CD247: variants seen among roughly 807,000 people sequenced by gnomAD.
CD247 encodes CD247 molecule, also known as T-cell surface glycoprotein CD3 zeta chain.
A neutral mutation model predicts 30.0 loss-of-function variants in CD247; 13 were observed. That is an observed-to-expected ratio of 0.43 (90% CI 0.28 to 0.69). The LOEUF is 0.69. CD247 is among the 30% of genes least tolerant of loss of function. The pLI, the probability that CD247 is intolerant of heterozygous loss-of-function variation, is 0.16. For missense variants in CD247, 193 were observed against 212.6 expected (o/e 0.91, Z 0.57); for synonymous variants, 72 against 80.0 (o/e 0.90, Z 0.53).
At chr1:167,501,053 C>CTTTTTT (rs569489236) in intron 1 of CD247, among the ~76,000 whole-genome samples, 1 of 124,362 alleles carries the variant, frequency 8.0e-6, no homozygotes, top group Non-Finnish European at 1.7e-5. Flanking sequence ...TCCTATTGTT[C>CTTTTTT]TTTTTTTTTT....
intron 1 of CD247, among the ~76,000 whole-genome samples, chr1:167,469,038 A>G (rs991060974): frequency 1.3e-5 from 2 of 151,692 alleles, no homozygotes; most frequent in African/African-American, 4.8e-5. Context: ...CCTGGAGTGC[A>G]GTGGCACAAT....
intron 5 of CD247, chr1:167,434,942 G>C: frequency 5.5e-6 from 2 of 366,764 alleles, no homozygotes; most frequent in Non-Finnish European, 5.2e-6. Context: ...CCTTCCTCCG[G>C]AGCCCTCCTC....
intron 1 of CD247, among the ~76,000 whole-genome samples, chr1:167,455,533 T>C (rs937175154): frequency 1.2e-3 from 183 of 152,224 alleles, no homozygotes; most frequent in Middle Eastern, 0.01. Context: ...GCGGCTCCCG[T>C]GCGGTTACGG....
intron 1 of CD247, among the ~76,000 whole-genome samples, chr1:167,458,843 T>G (rs575444461): frequency 2.0e-5 from 3 of 151,774 alleles, no homozygotes; most frequent in African/African-American, 7.2e-5. Context: ...ATGGAGAAAT[T>G]GGGAGCAATG....
chr1:167,502,531 T>A (rs1249724557), intron 1 of CD247, among the ~76,000 whole-genome samples: 1 of 152,182 alleles, frequency 6.6e-6, no homozygotes, highest in African/African-American at 2.4e-5. Context: ...TTAGATAGTT[T>A]ATTTTGAGAG....
intron 5 of CD247, chr1:167,434,627 T>G: frequency 2.6e-6 from 1 of 379,266 alleles, no homozygotes; most frequent in South Asian, 2.0e-5. Flanking sequence ...TCAGAAGACT[T>G]CAGCACCCAG....
intron 3 of CD247, among the ~76,000 whole-genome samples, 146 bp downstream of exon 3, chr1:167,439,181 TGTTTTGTGGGTTAGAAA>T (rs1241823914): frequency 6.6e-6 from 1 of 152,176 alleles, no homozygotes; most frequent in Non-Finnish European, 1.5e-5. Context: ...TTACTACACC[TGTTTTGTGGGTTAGAAA>T]ACTGAGGTTA....
chr1:167,462,313 T>C (rs1473964650), intron 1 of CD247, among the ~76,000 whole-genome samples: 2 of 152,238 alleles, frequency 1.3e-5, no homozygotes, highest in Admixed American at 1.3e-4. Flanking sequence ...ACTGGGGCCC[T>C]GTGACCATAG....
intron 1 of CD247, among the ~76,000 whole-genome samples, chr1:167,458,052 T>A (rs1010599162): frequency 4.6e-5 from 7 of 152,238 alleles, no homozygotes; most frequent in Non-Finnish European, 7.3e-5. Context: ...CCTACACCAG[T>A]GCTATCACCT....
chr1:167,468,419 T>C (rs895219733), intron 1 of CD247, among the ~76,000 whole-genome samples: 4 of 152,230 alleles, frequency 2.6e-5, no homozygotes, highest in African/African-American at 9.7e-5. Context: ...GTCAATTTTT[T>C]CTTCTGAATC....
At chr1:167,483,373 C>T (rs34532105) in intron 1 of CD247, among the ~76,000 whole-genome samples, 6,136 of 152,200 alleles carry the variant, frequency 0.04, 138 homozygotes, top group Middle Eastern at 0.082. Flanking sequence ...AATCAGGGCT[C>T]TTCTCAGGGT....
intron 1 of CD247, among the ~76,000 whole-genome samples, chr1:167,466,843 CTT>C (rs58330914): frequency 9.7e-5 from 14 of 144,824 alleles, no homozygotes; most frequent in Non-Finnish European, 9.1e-5. Context: ...TTATCCTCTT[CTT>C]TTTTTTTTTT....
intron 1 of CD247, among the ~76,000 whole-genome samples, chr1:167,470,520 A>G (rs56292774): frequency 4.3e-4 from 52 of 119,968 alleles, no homozygotes; most frequent in African/African-American, 9.3e-4. Flanking sequence ...AAAAAAAAAA[A>G]AAAAAAAGAA....
intron 1 of CD247, among the ~76,000 whole-genome samples, chr1:167,507,548 T>C (rs1655196951): frequency 8.2e-6 from 1 of 122,322 alleles, no homozygotes; most frequent in Admixed American, 7.4e-5. Flanking sequence ...TAAAAATCTC[T>C]AAATAGGCAG....
intron 2 of CD247, chr1:167,440,402 ACT>A (rs1651770337): frequency 1.9e-6 from 1 of 537,684 alleles, no homozygotes; most frequent in Non-Finnish European, 3.4e-6. Context: ...TCCCTGGGAC[ACT>A]CTGATGTGCA....
chr1:167,433,966 T>G, intron 6 of CD247, 54 bp downstream of exon 6: 2 of 1,447,156 alleles, frequency 1.4e-6, no homozygotes, highest in East Asian at 2.3e-5. Context: ...GCAGCAGGCG[T>G]GTCTGGAGGA....
chr1:167,497,175 A>G (rs1317420351), intron 1 of CD247, among the ~76,000 whole-genome samples: 1 of 152,204 alleles, frequency 6.6e-6, no homozygotes, highest in Non-Finnish European at 1.5e-5. Context: ...GGGAGAGATG[A>G]CCATGATTTA....
chr1:167,518,392 G>C lies in CD247; in HGVS notation c.58+16C>G. 1 of 1,613,684 alleles carries C rather than the reference G, an allele frequency of 6.2e-7. No homozygotes were observed. Among genetic ancestry groups the C allele is most frequent in the African/African-American group, 1.3e-5 (1 of 75,046 alleles). On this transcript the variant is annotated intron_variant, in intron 1 of 7. Coordinates refer to ENST00000362089, the MANE Select transcript of CD247 (RefSeq NM_198053.3). ...GAGTTTCTAGAAGTTCCCTGCCGTC[G>C]ACACGTCGGCCCTACCTGTAATCGG...
At chr1:167,434,698 C>T (rs1471801650) in intron 5 of CD247, 2 of 432,034 alleles carry the variant, frequency 4.6e-6, no homozygotes, top group African/African-American at 2.0e-5. Flanking sequence ...CTTGCTGTGT[C>T]CCCCTACACC....
Sources: allele counts gnomAD v4.1 joint callset (sites outside exome capture counted in the v4.1 genomes callset), GRCh38; gene constraint gnomAD v4.1.1; transcripts MANE v1.5; gene names NCBI Gene and HGNC (gene_info 2026-07-23, HGNC 2026-07-21).